Variants in OR56A3 observed in about 807,000 individuals in gnomAD.
The protein encoded by OR56A3 is olfactory receptor family 56 subfamily A member 3, also known as olfactory receptor 56A3.
OR56A3 carries 23 observed loss-of-function variants against 17.5 expected under a neutral mutation model. That is an observed-to-expected ratio of 1.32 (90% CI 0.95 to 1.87). The LOEUF is 1.87. Among genes scored for constraint, OR56A3 ranks in the 40% most tolerant of loss-of-function variants. The probability of loss-of-function intolerance (pLI) is 0.00; values close to 1 mark genes in which losing one functional copy is unlikely to be tolerated. For synonymous variants in OR56A3, 175 were observed against 150.6 expected, an observed-to-expected ratio of 1.16 and a Z score of -1.19; for missense variants, 366 against 380.1, an observed-to-expected ratio of 0.96 and a Z score of 0.31.
At chr11:5,985,450 TG>T in the OR56A3 span, among the ~76,000 whole-genome samples, 1 of 152,236 alleles carries the variant, frequency 6.6e-6, no homozygotes, top group Non-Finnish European at 1.5e-5. Context: ...CAATAAATGC[TG>T]TTTTCTTACA....
chr11:5,947,267 G>A (rs1847875356), intron 2 of OR56A3, 44 bp from the exon 3 acceptor site: 4 of 1,285,000 alleles, frequency 3.1e-6, no homozygotes, highest in Non-Finnish European at 4.3e-6. Context: ...TGCTATCTTT[G>A]TGTATCAAGA....
the OR56A3 span, among the ~76,000 whole-genome samples, chr11:5,982,517 T>C: frequency 6.6e-6 from 1 of 152,080 alleles, no homozygotes; most frequent in Non-Finnish European, 1.5e-5. Flanking sequence ...CATGGAGCCA[T>C]GCTGGGACCC....
At chr11:5,961,025 G>A in the OR56A3 span, among the ~76,000 whole-genome samples, 12 of 150,806 alleles carry the variant, frequency 8.0e-5, no homozygotes, top group Non-Finnish European at 1.3e-4. Context: ...CCCTCCGCCC[G>A]GCAGCCGCCC....
chr11:6,010,705 A>T, the OR56A3 span, among the ~76,000 whole-genome samples: 2 of 152,212 alleles, frequency 1.3e-5, no homozygotes, highest in Admixed American at 6.5e-5. Flanking sequence ...TAAGACAGAC[A>T]TTTCATACTA....
chr11:5,955,483 AG>A, downstream of OR56A3, among the ~76,000 whole-genome samples: 1 of 152,304 alleles, frequency 6.6e-6, no homozygotes, highest in East Asian at 1.9e-4. Context: ...GGCAAGTTTT[AG>A]AGCAGGAGTG....
the OR56A3 span, among the ~76,000 whole-genome samples, chr11:6,006,079 A>G: frequency 6.6e-6 from 1 of 152,200 alleles, no homozygotes; most frequent in African/African-American, 2.4e-5. Context: ...GAGGAGGGCT[A>G]CAAGAAAATT....
At chr11:5,975,177 G>T in the OR56A3 span, among the ~76,000 whole-genome samples, 3 of 152,232 alleles carry the variant, frequency 2.0e-5, no homozygotes, top group Non-Finnish European at 4.4e-5. Flanking sequence ...CCTGCTAGGA[G>T]TTCCTATCAG....
the OR56A3 span, chr11:6,007,060 C>T: frequency 6.6e-6 from 1 of 152,186 alleles, no homozygotes; most frequent in East Asian, 1.9e-4. Context: ...CACCTGGATC[C>T]TGGGGCCCTA....
the OR56A3 span, among the ~76,000 whole-genome samples, chr11:5,995,942 A>G: frequency 2.0e-5 from 3 of 152,164 alleles, no homozygotes; most frequent in Non-Finnish European, 4.4e-5. Context: ...CAAAGACTTT[A>G]TAGAAAACTT....
chr11:5,976,093 T>C, the OR56A3 span, among the ~76,000 whole-genome samples: 1 of 151,790 alleles, frequency 6.6e-6, no homozygotes, highest in South Asian at 2.1e-4. Context: ...ATGGTAGAGA[T>C]ACCTGTTGTC....
At chr11:5,993,019 G>A in the OR56A3 span, among the ~76,000 whole-genome samples, 1 of 152,200 alleles carries the variant, frequency 6.6e-6, no homozygotes, top group Non-Finnish European at 1.5e-5. Flanking sequence ...AGTCTGGGAA[G>A]TTCGGGAAAG....
chr11:6,007,367 G>A, the OR56A3 span, among the ~76,000 whole-genome samples: 1 of 152,152 alleles, frequency 6.6e-6, no homozygotes, highest in Non-Finnish European at 1.5e-5. Flanking sequence ...GTATGAATAA[G>A]TTCTAGAGAT....
the OR56A3 span, among the ~76,000 whole-genome samples, chr11:6,005,722 G>A: frequency 2.0e-5 from 3 of 152,190 alleles, no homozygotes; most frequent in African/African-American, 7.2e-5. Flanking sequence ...TAGTTCAGAG[G>A]TGGCACCTTC....
At chr11:6,011,591 G>C in the OR56A3 span, among the ~76,000 whole-genome samples, 1 of 152,120 alleles carries the variant, frequency 6.6e-6, no homozygotes, top group Admixed American at 6.5e-5. Context: ...TTTAATCAAT[G>C]ACAATGTTAT....
rs770583092 is a variant in OR56A3, at chr11:5,948,241, A to G, written c.895A>G (p.Arg299Gly). ...CCTTAACCCCATCATTTACGGGGTG[A>G]GAACCCAAGAAATTAAGCAGGGAAT... ...AALNPIIYGV[R>G]TQEIKQGMQR... is the part of the protein sequence containing the mutation. The change falls in exon 3 of 3, where the codon AGA becomes GGA. Residue 299 changes from arginine to glycine, a missense_variant. By Grantham distance (125) the Arg-to-Gly change is moderately radical. Transcript: ENST00000641160. The G allele has an allele frequency of 6.2e-7, 1 of 1,614,144 alleles. No individual in the cohort carries two copies. The highest frequency in any genetic ancestry group is 8.5e-7 in the Non-Finnish European group (1 of 1,180,054).
chr11:6,007,175 G>T, the OR56A3 span, among the ~76,000 whole-genome samples: 1 of 152,158 alleles, frequency 6.6e-6, no homozygotes, highest in African/African-American at 2.4e-5. Flanking sequence ...TAACAAAAAT[G>T]GCATTCATCT....
chr11:5,983,466 T>TA, the OR56A3 span, among the ~76,000 whole-genome samples: 1,377 of 138,594 alleles, frequency 9.9e-3, 20 homozygotes, highest in African/African-American at 0.029. Flanking sequence ...GCACACATAC[T>TA]AAAAAAAAAA....
the OR56A3 span, among the ~76,000 whole-genome samples, chr11:5,968,701 A>T: frequency 6.6e-6 from 1 of 152,234 alleles, no homozygotes; most frequent in Admixed American, 6.5e-5. Flanking sequence ...TTATTTCTGA[A>T]GTTAATTTAG....
At chr11:5,991,832 C>T in the OR56A3 span, among the ~76,000 whole-genome samples, 1 of 152,072 alleles carries the variant, frequency 6.6e-6, no homozygotes, top group African/African-American at 2.4e-5. Context: ...CACCACTGGG[C>T]AAGCAGGATA....
Sources: allele counts gnomAD v4.1 joint callset (sites outside exome capture counted in the v4.1 genomes callset), GRCh38; gene constraint gnomAD v4.1.1; transcripts MANE v1.5; gene names NCBI Gene and HGNC (gene_info 2026-07-23, HGNC 2026-07-21).